TPD52L2: variants seen among roughly 807,000 people sequenced by gnomAD.
TPD52L2 encodes the protein tumor protein D54.
Under a neutral mutation model 24.7 loss-of-function variants are expected in TPD52L2, and 19 were observed. The ratio of observed to expected loss-of-function variants is 0.77; its 90% CI spans 0.54 to 1.13. The LOEUF (loss-of-function observed/expected upper bound fraction) is 1.13. TPD52L2 is among the 50% of genes most tolerant of loss of function. The pLI, the probability that TPD52L2 is intolerant of heterozygous loss-of-function variation, is 0.00. For synonymous variants in TPD52L2, 104 were observed against 100.2 expected (o/e 1.04, Z -0.23); for missense variants, 236 against 250.4 (o/e 0.94, Z 0.39).
At chr20:63,879,635 T>C (rs924988557) in intron 4 of TPD52L2, among the ~76,000 whole-genome samples, 9 of 148,666 alleles carry the variant, frequency 6.1e-5, no homozygotes, top group Non-Finnish European at 8.9e-5. Context: ...CAAATGCAGG[T>C]GTAGCTTCCC....
rs574612581 is a variant in TPD52L2, at chr20:63,876,427, A to G, written c.374+552A>G. On this transcript the variant is annotated intron_variant, in intron 4 of 6. Transcript: ENST00000346249. ...TCAGAGCATCAGCCAGTGTGGATCA[A>G]GTGTGGATAGTTTTGTATGTGTGTG... 3.3e-5 allele frequency among the ~76,000 whole-genome samples: 5 copies of G among 151,634 alleles called. No individual in the cohort carries two copies. In the East Asian group the frequency reaches 9.7e-4, roughly 29 times the overall value.
intron 3 of TPD52L2, among the ~76,000 whole-genome samples, chr20:63,875,151 AAAT>A (rs1483544793): frequency 2.1e-5 from 3 of 145,002 alleles, no homozygotes; most frequent in African/African-American, 7.5e-5. Flanking sequence ...CAAAAAAAAA[AAAT>A]ATATATATAT....
chr20:63,867,213 A>G (rs113461124), intron 1 of TPD52L2, among the ~76,000 whole-genome samples: 1 of 151,806 alleles, frequency 6.6e-6, no homozygotes. Context: ...CTTGGCCTCC[A>G]AAAGTGCTGG....
chr20:63,867,872 A>G (rs1321784728), intron 1 of TPD52L2, among the ~76,000 whole-genome samples: 3 of 149,894 alleles, frequency 2.0e-5, no homozygotes, highest in Admixed American at 6.6e-5. Context: ...TCCTGACCTC[A>G]GGTGATCCGC....
Position 63,877,869 on chromosome 20 carries a change from C to G in TPD52L2, c.374+1994C>G, listed in dbSNP as rs931831614. ...GCGTTTCTGCCGGGAAGGCCCAGGC[C>G]GAGGGCGATGGTTTCTGCCGGGACG... On this transcript the variant is annotated intron_variant, in intron 4 of 6. Transcript: ENST00000346249. This position sits in a 1 kb window ranked among gnomAD's most constrained non-coding sequence, Gnocchi z 4.1. Among the ~76,000 whole-genome samples, 2 of 151,824 alleles carry G rather than the reference C, an allele frequency of 1.3e-5. No individual in the cohort carries two copies. The highest frequency in any genetic ancestry group is 4.9e-5 in the African/African-American group (2 of 41,154).
Position 63,889,838 on chromosome 20 carries a change from T to C in TPD52L2, c.526-12T>C, listed in dbSNP as rs748021399. 6.8e-6 allele frequency: 11 copies of C among 1,611,762 alleles called. No homozygotes were observed. The highest frequency in any genetic ancestry group is 1.7e-5 in the Admixed American group (1 of 59,928). ...CTCAGGTTTTTCTGTCTTCATCTTT[T>C]CTCTCCTGTAGTCTAAGGTTGTGGG... On this transcript the variant is annotated splice_polypyrimidine_tract_variant and intron_variant, in intron 6 of 6. Transcript: ENST00000346249.
intron 4 of TPD52L2, among the ~76,000 whole-genome samples, chr20:63,876,469 G>A (rs908470254): frequency 6.6e-6 from 1 of 152,184 alleles, no homozygotes; most frequent in African/African-American, 2.4e-5. Context: ...GTGTTGTTCA[G>A]AGTGACTCCT....
intron 2 of TPD52L2, 102 bp downstream of exon 2, chr20:63,869,543 G>C: frequency 6.8e-7 from 1 of 1,474,188 alleles, no homozygotes; most frequent in Non-Finnish European, 9.4e-7. Flanking sequence ...GAATTGCCCT[G>C]GGTGGTCACC....
Position 63,890,081 on chromosome 20 carries a change from G to A in TPD52L2, c.*136G>A, listed in dbSNP as rs763598736. 1.4e-5 allele frequency: 21 copies of A among 1,509,762 alleles called. No individual in the cohort carries two copies. The highest frequency in any genetic ancestry group is 2.0e-4 in the Middle Eastern group (1 of 5,100). The allele number at this position is 1,509,762 out of a possible 1,614,324, so 93.5% of individuals were successfully genotyped here. A position where few individuals can be genotyped will look rare whatever the true frequency, so the allele number is the denominator to read the frequency against. On this transcript the variant is annotated 3_prime_UTR_variant, in exon 7 of 7. Transcript: ENST00000346249. ...TGAGGACAGTCCTGCCCATCCACGC[G>A]GAGATGTGGCTGCCGCGTTTGCATG...
intron 5 of TPD52L2, among the ~76,000 whole-genome samples, chr20:63,886,516 C>T (rs770468860): frequency 1.3e-3 from 197 of 152,224 alleles, no homozygotes; most frequent in Non-Finnish European, 2.1e-3. Flanking sequence ...CGCCCGCCGC[C>T]ACGCCCGGCT....
intron 5 of TPD52L2, among the ~76,000 whole-genome samples, chr20:63,884,657 A>G (rs934806111): frequency 9.2e-5 from 14 of 152,230 alleles, no homozygotes; most frequent in Admixed American, 7.2e-4. Flanking sequence ...TGGGGTTGGC[A>G]GCTGACCCGT....
intron 4 of TPD52L2, among the ~76,000 whole-genome samples, chr20:63,879,029 A>G (rs2146215148): frequency 6.6e-6 from 1 of 152,272 alleles, no homozygotes; most frequent in East Asian, 1.9e-4. Context: ...GAGCCTTGGA[A>G]GGGGGCCTCA....
At chr20:63,883,445 C>T (rs112921183) in intron 5 of TPD52L2, among the ~76,000 whole-genome samples, 1 of 152,154 alleles carries the variant, frequency 6.6e-6, no homozygotes. Context: ...GGGATTGAGC[C>T]AGAAGCCTGG....
chr20:63,875,791 T>C, intron 3 of TPD52L2, 25 bp from the exon 4 acceptor site: 1 of 1,612,550 alleles, frequency 6.2e-7, no homozygotes, highest in Non-Finnish European at 8.5e-7. Flanking sequence ...TTCTAAATAA[T>C]TCACTGTAGA....
At chr20:63,871,276 C>G (rs1055574699) in intron 2 of TPD52L2, among the ~76,000 whole-genome samples, 1 of 152,008 alleles carries the variant, frequency 6.6e-6, no homozygotes, top group Non-Finnish European at 1.5e-5. Flanking sequence ...CTCCGAGTCT[C>G]AAGAGCTCCA....
chr20:63,865,309 G>C lies in TPD52L2; in HGVS notation c.-57G>C. 6.7e-7 allele frequency: 1 copy of C among 1,496,444 alleles called. No individual in the cohort carries two copies. The allele number at this position is 1,496,444 out of a possible 1,614,324, so 92.7% of individuals were successfully genotyped here. On this transcript the variant is annotated 5_prime_UTR_variant, in exon 1 of 7. Coordinates refer to ENST00000346249, the MANE Select transcript of TPD52L2 (RefSeq NM_003288.4). ...GTGTGTACGCGGCGAGCTTCTCCCG[G>C]CGCCGCCCGCTCGGCTCCCATAGCG...
intron 4 of TPD52L2, among the ~76,000 whole-genome samples, chr20:63,879,092 A>G (rs1344050748): frequency 6.6e-6 from 1 of 152,164 alleles, no homozygotes; most frequent in African/African-American, 2.4e-5. Context: ...AGGGGAAGGG[A>G]GAGGTCAGAG....
intron 2 of TPD52L2, among the ~76,000 whole-genome samples, chr20:63,870,203 T>C (rs928215890): frequency 5.3e-5 from 8 of 152,206 alleles, no homozygotes; most frequent in African/African-American, 1.9e-4. Context: ...AAGAGTAATG[T>C]AGGAATTAAG....
Position 63,869,280 on chromosome 20 carries a change from A to T in TPD52L2, c.20-16A>T, listed in dbSNP as rs371372357. On this transcript the variant is annotated splice_polypyrimidine_tract_variant and intron_variant, in intron 1 of 6. Transcript: ENST00000346249. ...AACTTATTTGACACTTTGTGGCCTCATTTTGTCTCTGGCAGATATCAACCT... is the reference window on the plus strand; with the variant it reads ...AACTTATTTGACACTTTGTGGCCTCTTTTTGTCTCTGGCAGATATCAACCT... The T allele has an allele frequency of 6.2e-7, 1 of 1,613,778 alleles. No individual in the cohort carries two copies. Among genetic ancestry groups the T allele is most frequent in the South Asian group, 1.1e-5 (1 of 91,070 alleles).
Sources: allele counts gnomAD v4.1 joint callset (sites outside exome capture counted in the v4.1 genomes callset), GRCh38; gene constraint gnomAD v4.1.1; non-coding constraint Gnocchi (gnomAD v3.1); transcripts MANE v1.5; gene names NCBI Gene and HGNC (gene_info 2026-07-23, HGNC 2026-07-21).